CCDC62: variants seen among roughly 807,000 people sequenced by gnomAD.
CCDC62 encodes coiled-coil domain containing 62.
Under a neutral mutation model 80.8 loss-of-function variants are expected in CCDC62, and 72 were observed. The ratio of observed to expected loss-of-function variants is 0.89; its 90% CI spans 0.74 to 1.08. The LOEUF (loss-of-function observed/expected upper bound fraction) is 1.08. CCDC62 is among the 50% of genes least tolerant of loss of function. The pLI, the probability that CCDC62 is intolerant of heterozygous loss-of-function variation, is 0.00. For synonymous variants in CCDC62, 286 were observed against 296.5 expected, an observed-to-expected ratio of 0.96 and a Z score of 0.36; for missense variants, 704 against 809.4, an observed-to-expected ratio of 0.87 and a Z score of 1.58.
intron 2 of CCDC62, among the ~76,000 whole-genome samples, chr12:122,778,507 C>T (rs1022678217): frequency 6.6e-6 from 1 of 152,062 alleles, no homozygotes; most frequent in African/African-American, 2.4e-5. Flanking sequence ...GAGGAGAAAA[C>T]ACTAGATCTG....
intron 11 of CCDC62, among the ~76,000 whole-genome samples, chr12:122,821,647 G>A (rs539775437): frequency 1.9e-4 from 29 of 151,676 alleles, no homozygotes; most frequent in East Asian, 3.9e-4. Flanking sequence ...TTGTCTCCCC[G>A]TGTTGCCTAG....
intron 10 of CCDC62, among the ~76,000 whole-genome samples, chr12:122,812,098 T>C (rs1482749239): frequency 6.6e-6 from 1 of 152,086 alleles, no homozygotes; most frequent in East Asian, 1.9e-4. Context: ...GTTACTTCAT[T>C]AGCTGTAGTA....
intron 10 of CCDC62, among the ~76,000 whole-genome samples, chr12:122,811,821 C>CAAAAAA (rs67025764): frequency 6.1e-4 from 21 of 34,662 alleles, no homozygotes; most frequent in Admixed American, 1.6e-3. Context: ...ACTCCATCTG[C>CAAAAAA]AAAAAAAAAA....
At chr12:122,816,253 A>G (rs533303506) in intron 11 of CCDC62, among the ~76,000 whole-genome samples, 6 of 152,306 alleles carry the variant, frequency 3.9e-5, no homozygotes, top group Non-Finnish European at 7.4e-5. Context: ...CTGAGGCATT[A>G]GTGAAGCGTT....
At chr12:122,790,974 C>G (rs1281763957) in intron 5 of CCDC62, among the ~76,000 whole-genome samples, 1 of 152,094 alleles carries the variant, frequency 6.6e-6, no homozygotes, top group African/African-American at 2.4e-5. Flanking sequence ...ATACCACAGA[C>G]ATACTCAAGG....
intron 11 of CCDC62, among the ~76,000 whole-genome samples, chr12:122,814,157 T>C (rs1407031873): frequency 6.6e-6 from 1 of 151,514 alleles, no homozygotes; most frequent in Admixed American, 6.6e-5. Context: ...GGCACATGCC[T>C]GTAATCCCAG....
chr12:122,781,287 C>T lies in CCDC62; in HGVS notation c.353C>T (p.Ala118Val), dbSNP rs1327295169. 1.9e-6 allele frequency: 3 copies of T among 1,614,108 alleles called. No homozygotes were observed. Among genetic ancestry groups the T allele is most frequent in the Non-Finnish European group, 2.5e-6 (3 of 1,179,988 alleles). Residue 118 changes from alanine to valine, a missense_variant, in exon 3 of 13, where the codon GCT (alanine) becomes GTT (valine). Ala to Val is a moderately conservative substitution (Grantham distance 64). Transcript: ENST00000253079. The stretch of plus-strand genomic sequence containing the variant: ...ACCCAACTACAGCTTCAGGAAATGG[C>T]TCAAAAGGCAACGCATTCTTCTCTT... ...QKTQLQLQEM[A>V]QKATHSSLLS...
chr12:122,798,650 G>A (rs1301079884), intron 8 of CCDC62, among the ~76,000 whole-genome samples: 1 of 151,030 alleles, frequency 6.6e-6, no homozygotes, highest in Non-Finnish European at 1.5e-5. Context: ...GCGTGTTCGC[G>A]GGTATATGTA....
chr12:122,821,759 T>C (rs2032411672), intron 11 of CCDC62, among the ~76,000 whole-genome samples: 1 of 152,064 alleles, frequency 6.6e-6, no homozygotes, highest in African/African-American at 2.4e-5. Flanking sequence ...TATGGTCTTT[T>C]TTAAATTGAC....
At chr12:122,783,949 C>T (rs2030043999) in intron 3 of CCDC62, among the ~76,000 whole-genome samples, 1 of 152,158 alleles carries the variant, frequency 6.6e-6, no homozygotes, top group Non-Finnish European at 1.5e-5. Context: ...TGTTTACATT[C>T]TATGGGGTTT....
At chr12:122,803,011 C>A (rs1016295908) in intron 9 of CCDC62, among the ~76,000 whole-genome samples, 4 of 152,088 alleles carry the variant, frequency 2.6e-5, no homozygotes, top group Non-Finnish European at 5.9e-5. Flanking sequence ...GCCTGGGCAA[C>A]AAAGTGAGAC....
chr12:122,819,155 GA>G (rs2032300363), intron 11 of CCDC62, among the ~76,000 whole-genome samples: 1 of 152,120 alleles, frequency 6.6e-6, no homozygotes, highest in Non-Finnish European at 1.5e-5. Flanking sequence ...AAATAACAGG[GA>G]TTTACCTGGC....
intron 3 of CCDC62, among the ~76,000 whole-genome samples, chr12:122,781,780 T>C (rs1879887952): frequency 6.7e-6 from 1 of 148,362 alleles, no homozygotes; most frequent in East Asian, 2.1e-4. Flanking sequence ...ATGCCTGTTA[T>C]CCCAGCTCTT....
rs746880817 is a variant in CCDC62 at position 122,813,334 on chromosome 12, C to T, written c.1916C>T (p.Ala639Val). 1.5e-5 allele frequency: 24 copies of T among 1,613,942 alleles called. No homozygotes were observed. The highest frequency in any genetic ancestry group is 1.9e-5 in the Non-Finnish European group (22 of 1,179,932). ...ACGAGCAAGCTCCAGCGTTTGCTGG[C>T]GGAATCTCGTCAGATGGTGACGGAC... ...SPTSKLQRLL[A>V]ESRQMVTDLE... Residue 639 changes from alanine to valine, a missense_variant, in exon 11 of 13, where the codon GCG becomes GTG. Transcript: ENST00000253079.
At chr12:122,825,516 T>TTTC (rs1280367110) in intron 12 of CCDC62, among the ~76,000 whole-genome samples, 3 of 146,168 alleles carry the variant, frequency 2.1e-5, no homozygotes, top group Non-Finnish European at 4.5e-5. Context: ...CCGGCTAATT[T>TTTC]TTTTTTTTTT....
Position 122,827,040 on chromosome 12 carries a change from G to C in CCDC62, c.*659G>C, listed in dbSNP as rs941960293. 1 of 152,208 alleles carries C rather than the reference G, an allele frequency of 6.6e-6. No individual in the cohort carries two copies. The allele number at this position is 152,208 out of a possible 1,614,324, so 9.4% of individuals were successfully genotyped here. On this transcript the variant is annotated 3_prime_UTR_variant, in exon 13 of 13. Transcript: ENST00000253079. ...CACCTACTGACACAAACAAAAGCTTGCTGGAAGATCGAGTTTTAGACGCAT... is the reference window on the plus strand; with the variant it reads ...CACCTACTGACACAAACAAAAGCTTCCTGGAAGATCGAGTTTTAGACGCAT...
intron 2 of CCDC62, 79 bp downstream of exon 2, chr12:122,777,762 G>A (rs1250390593): frequency 7.3e-7 from 1 of 1,376,656 alleles, no homozygotes; most frequent in African/African-American, 1.4e-5. Context: ...AAGATAGAGA[G>A]GAAGTAAAGA....
chr12:122,826,651 G>A lies in CCDC62; in HGVS notation c.*270G>A, dbSNP rs2032643642. The A allele has an allele frequency of 2.2e-6, 1 of 455,512 alleles. No homozygotes were observed. Among genetic ancestry groups the A allele is most frequent in the African/African-American group, 2.0e-5 (1 of 50,266 alleles). 28.2% of individuals were successfully genotyped at this position (455,512 alleles called of 1,614,324 possible). On this transcript the variant is annotated 3_prime_UTR_variant, in exon 13 of 13. Transcript: ENST00000253079. ...GTAGACCTTATTGTACATATAGAAA[G>A]TTGGAATTATGCTAAGAATGAAAAA... is the stretch of plus-strand genomic sequence containing the variant.
Position 122,822,574 on chromosome 12 carries a change from A to ATTTTT in CCDC62, c.2002-779_2002-775dup, listed in dbSNP as rs71085861. On this transcript the variant is annotated intron_variant, in intron 11 of 12. Coordinates refer to ENST00000253079, the MANE Select transcript of CCDC62 (RefSeq NM_201435.5). ...TACTCTCTGCTTCTATGAGTTCCACATTTTTTTTTTTTTTTTTGAGATGGA... is the reference window on the plus strand; with the variant it reads ...TACTCTCTGCTTCTATGAGTTCCACATTTTTTTTTTTTTTTTTTTTTTGAGATGGA... 3.4e-5 allele frequency among the ~76,000 whole-genome samples: 4 copies of ATTTTT among 117,770 alleles called. 1 individual carries two copies. The highest frequency in any genetic ancestry group is 4.9e-5 in the Non-Finnish European group (3 of 61,688). The allele number at this position is 117,770 out of a possible 152,430, so 77.3% of individuals were successfully genotyped here. A position where few individuals can be genotyped will look rare whatever the true frequency, so the allele number is the denominator to read the frequency against.
Sources: allele counts gnomAD v4.1 joint callset (sites outside exome capture counted in the v4.1 genomes callset), GRCh38; gene constraint gnomAD v4.1.1; transcripts MANE v1.5; gene names NCBI Gene and HGNC (gene_info 2026-07-23, HGNC 2026-07-21).